The following RMDN2 variants were observed in gnomAD, a reference collection of about 807,000 sequenced individuals.
RMDN2 encodes the protein regulator of microtubule dynamics 2.
RMDN2 carries 61 observed loss-of-function variants against 52.8 expected under a neutral mutation model. The observed-to-expected ratio is 1.16, with a 90% CI of 0.94 to 1.43. RMDN2 has a LOEUF of 1.43. Ranked by LOEUF, RMDN2 falls within the 40% of genes most tolerant of loss-of-function variation. The pLI is 0.00. For synonymous variants in RMDN2, 180 were observed against 153.1 expected (o/e 1.18, Z -1.30); for missense variants, 592 against 475.3 (o/e 1.25, Z -2.28).
At chr2:37,947,063 T>C (rs958120142) in intron 2 of RMDN2, among the ~76,000 whole-genome samples, 3 of 152,194 alleles carry the variant, frequency 2.0e-5, no homozygotes, top group Non-Finnish European at 1.5e-5. Flanking sequence ...TTTTTAATTT[T>C]GATTTTTGTA....
At chr2:38,045,146 G>A (rs1463604702) in intron 10 of RMDN2, among the ~76,000 whole-genome samples, 1 of 152,116 alleles carries the variant, frequency 6.6e-6, no homozygotes, top group Non-Finnish European at 1.5e-5. Context: ...TCATTTGAAA[G>A]TGCAATAGAA....
intron 10 of RMDN2, among the ~76,000 whole-genome samples, chr2:38,008,241 G>C (rs1178462883): frequency 6.6e-6 from 1 of 152,168 alleles, no homozygotes; most frequent in African/African-American, 2.4e-5. Context: ...GCAGAGCTGA[G>C]TTCAATTCCT....
At position 37,990,518 on chromosome 2, in the gene RMDN2, C is replaced by CAAAAA. The variant is rs397812186; in HGVS notation, c.868-681_868-677dup. 7.7e-4 allele frequency among the ~76,000 whole-genome samples: 29 copies of CAAAAA among 37,552 alleles called. 1 individual carries two copies. Among genetic ancestry groups the CAAAAA allele is most frequent in the African/African-American group, 1.7e-3 (18 of 10,336 alleles). 24.6% of individuals were successfully genotyped at this position (37,552 alleles called of 152,430 possible). ...TGGGCAATAGAATGAGACTCCATCT[C>CAAAAA]AAAAAAAAAAAAAAAAAAAAAAAAA... is the stretch of plus-strand genomic sequence containing the variant. On this transcript the variant is annotated intron_variant, in intron 6 of 10. Coordinates refer to ENST00000354545, the MANE Select transcript of RMDN2 (RefSeq NM_001170791.3).
intron 4 of RMDN2, among the ~76,000 whole-genome samples, chr2:37,975,919 C>G (rs1446215313): frequency 6.6e-6 from 1 of 152,106 alleles, no homozygotes; most frequent in Non-Finnish European, 1.5e-5. Flanking sequence ...CATCTTTTAA[C>G]TTTATAAAAC....
chr2:37,988,924 G>T (rs1318686277), intron 5 of RMDN2, among the ~76,000 whole-genome samples: 2 of 152,078 alleles, frequency 1.3e-5, no homozygotes, highest in Non-Finnish European at 2.9e-5. Flanking sequence ...ATGACCCATG[G>T]GATGCACTAT....
intron 10 of RMDN2, among the ~76,000 whole-genome samples, chr2:38,037,032 A>C (rs550669076): frequency 4.7e-4 from 72 of 152,264 alleles, no homozygotes; most frequent in African/African-American, 1.7e-3. Flanking sequence ...ATTTCCTAGA[A>C]ATTTTGGCTT....
chr2:37,952,479 A>G (rs1173365938), intron 2 of RMDN2: 2 of 478,534 alleles, frequency 4.2e-6, no homozygotes, highest in African/African-American at 3.9e-5. Flanking sequence ...CAGATTTCTG[A>G]GTGACTATTA....
At chr2:38,066,662 C>A (rs951942738) in intron 10 of RMDN2, among the ~76,000 whole-genome samples, 1 of 152,226 alleles carries the variant, frequency 6.6e-6, no homozygotes, top group Non-Finnish European at 1.5e-5. Flanking sequence ...AAGCTGCATT[C>A]ATTTCCCACC....
chr2:37,936,038 A>T (rs1572698101), intron 2 of RMDN2, among the ~76,000 whole-genome samples: 1 of 151,774 alleles, frequency 6.6e-6, no homozygotes, highest in South Asian at 2.1e-4. Context: ...TCCTAATGCT[A>T]CCCCTCCCCA....
chr2:37,985,003 A>C (rs1161048420), intron 5 of RMDN2, among the ~76,000 whole-genome samples: 1 of 152,198 alleles, frequency 6.6e-6, no homozygotes, highest in Admixed American at 6.5e-5. Context: ...ATGATAGATA[A>C]TATTTTAAAC....
intron 2 of RMDN2, among the ~76,000 whole-genome samples, chr2:37,963,904 G>C (rs1428085168): frequency 4.7e-5 from 7 of 148,694 alleles, no homozygotes; most frequent in South Asian, 2.1e-4. Context: ...GGGCAGAGGC[G>C]CCCCCCCACC....
At chr2:38,042,481 A>G (rs1681030313) in intron 10 of RMDN2, among the ~76,000 whole-genome samples, 1 of 147,896 alleles carries the variant, frequency 6.8e-6, no homozygotes, top group African/African-American at 2.5e-5. Context: ...GGTTTAATTC[A>G]TTTTCTCTAT....
At chr2:37,951,292 A>T in intron 2 of RMDN2, 3 of 1,612,010 alleles carry the variant, frequency 1.9e-6, no homozygotes, top group Non-Finnish European at 2.5e-6. Context: ...GTTAGTACAG[A>T]CGCCCAGCAT....
chr2:37,947,951 G>A (rs931845372), intron 2 of RMDN2, among the ~76,000 whole-genome samples: 16 of 152,038 alleles, frequency 1.1e-4, no homozygotes, highest in African/African-American at 3.6e-4. Flanking sequence ...GTACCAGGAG[G>A]GGGACATTCA....
intron 3 of RMDN2, 109 bp from the exon 4 acceptor site, chr2:37,975,103 A>T (rs1406734984): frequency 4.3e-6 from 3 of 690,978 alleles, no homozygotes; most frequent in Non-Finnish European, 7.8e-6. Flanking sequence ...AATAATCTAT[A>T]AATACCAGTT....
chr2:37,951,109 A>G (rs945146641), intron 2 of RMDN2: 53 of 905,964 alleles, frequency 5.9e-5, no homozygotes, highest in Non-Finnish European at 8.1e-5. Context: ...CTGTTTTCAT[A>G]TTAGTATGGA....
intron 10 of RMDN2, among the ~76,000 whole-genome samples, chr2:38,062,769 T>TCCCG (rs1682105115): frequency 9.1e-6 from 1 of 109,854 alleles, no homozygotes; most frequent in African/African-American, 3.1e-5. Context: ...CCTCCCCCCT[T>TCCCG]CCCCCCCCCC....
At chr2:38,051,884 T>C (rs1681623635) in intron 10 of RMDN2, among the ~76,000 whole-genome samples, 3 of 152,200 alleles carry the variant, frequency 2.0e-5, no homozygotes, top group African/African-American at 7.2e-5. Context: ...CAGTATTCCA[T>C]TGGGTATATA....
chr2:38,066,685 C>G (rs1017405172), intron 10 of RMDN2, among the ~76,000 whole-genome samples: 2 of 152,192 alleles, frequency 1.3e-5, no homozygotes, highest in African/African-American at 4.8e-5. Context: ...GTACTCCGGT[C>G]TTATACTCTG....
Sources: allele counts gnomAD v4.1 joint callset (sites outside exome capture counted in the v4.1 genomes callset), GRCh38; gene constraint gnomAD v4.1.1; transcripts MANE v1.5; gene names NCBI Gene and HGNC (gene_info 2026-07-23, HGNC 2026-07-21).